The following AVEN variants were observed in gnomAD, a reference collection of about 807,000 sequenced individuals.
AVEN encodes apoptosis and caspase activation inhibitor.
A neutral mutation model predicts 38.1 loss-of-function variants in AVEN; 41 were observed. That is an observed-to-expected ratio of 1.08 (90% confidence interval 0.84 to 1.40). The LOEUF (loss-of-function observed/expected upper bound fraction) is 1.40. AVEN is among the 40% of genes most tolerant of loss of function. AVEN has a pLI of 0.00. For missense variants in AVEN, 605 were observed against 438.8 expected (o/e 1.38, Z -3.38); for synonymous variants, 206 against 171.8 (o/e 1.20, Z -1.56).
At chr15:33,987,672 C>T (rs1896536499) in intron 2 of AVEN, among the ~76,000 whole-genome samples, 1 of 152,190 alleles carries the variant, frequency 6.6e-6, no homozygotes, top group African/African-American at 2.4e-5. Context: ...CATCTGCAGG[C>T]CTCCTCTATT....
At chr15:33,856,255 C>T (rs2079646910), downstream of AVEN, 1 of 152,228 alleles carries the variant, frequency 6.6e-6, no homozygotes, top group Admixed American at 6.5e-5. Context: ...GTTTGAGTCA[C>T]TATTCTTCCC....
At chr15:33,947,657 C>T (rs1216810924) in intron 2 of AVEN, among the ~76,000 whole-genome samples, 1 of 152,164 alleles carries the variant, frequency 6.6e-6, no homozygotes, top group Non-Finnish European at 1.5e-5. Context: ...ATTAATATAA[C>T]ATAAATGCTA....
At position 33,875,143 on chromosome 15, in the gene AVEN, G is replaced by A. The variant is rs187766060; in HGVS notation, c.516+782C>T. ...CAAACGAGCCACCCACAGCACATACGCTGATGTGGGAGCAGAACAGGGAGG... is the reference window on the plus strand; with the variant it reads ...CAAACGAGCCACCCACAGCACATACACTGATGTGGGAGCAGAACAGGGAGG... On this transcript the variant is annotated intron_variant, in intron 3 of 5. Transcript: ENST00000306730. 2.3e-3 allele frequency among the ~76,000 whole-genome samples: 356 copies of A among 152,230 alleles called. 2 individuals are homozygous for A. Among genetic ancestry groups the A allele is most frequent in the African/African-American group, 8.3e-3 (343 of 41,524 alleles).
intron 2 of AVEN, among the ~76,000 whole-genome samples, chr15:33,981,591 T>C (rs144132589): frequency 6.6e-6 from 1 of 152,288 alleles, no homozygotes; most frequent in East Asian, 1.9e-4. Context: ...TAGCCAACTG[T>C]ATGCATACCA....
At chr15:33,853,668 T>G in the AVEN span, 1 of 1,613,736 alleles carries the variant, frequency 6.2e-7, no homozygotes, top group Non-Finnish European at 8.5e-7. Flanking sequence ...CAGAAGCGGC[T>G]TCTCTGGTGT....
intron 2 of AVEN, among the ~76,000 whole-genome samples, chr15:33,963,554 T>C (rs1035232874): frequency 2.6e-5 from 4 of 151,988 alleles, no homozygotes; most frequent in African/African-American, 9.7e-5. Context: ...CCTAGCACTT[T>C]GGGAGGCCAA....
chr15:33,867,505 T>A lies in AVEN; in HGVS notation c.963A>T (p.Gln321His). The part of the protein sequence containing the change: ...LKSKEDGEVV[Q>H]EEEVCAKPSV... ...AAATGAAAGCCATACCTTCTTCCTC[T>A]TGGACCACCTCCCCATCTTCCTTGG... The change falls in exon 5 of 6, where the codon CAA (glutamine) becomes CAT (histidine). Residue 321 changes from glutamine to histidine, a missense_variant. Gln to His is a conservative substitution (Grantham distance 24). Transcript: ENST00000306730. 1 of 1,576,080 alleles carries A rather than the reference T, an allele frequency of 6.3e-7. No homozygotes were observed. The highest frequency in any genetic ancestry group is 8.6e-7 in the Non-Finnish European group (1 of 1,164,866).
chr15:34,012,786 T>G (rs1897690473), intron 1 of AVEN, among the ~76,000 whole-genome samples: 1 of 152,204 alleles, frequency 6.6e-6, no homozygotes, highest in South Asian at 2.1e-4. Context: ...AGAAGGAACC[T>G]AGATAGGTCA....
chr15:33,865,017 C>A (rs192590911), downstream of AVEN: 231 of 715,628 alleles, frequency 3.2e-4, no homozygotes, highest in Non-Finnish European at 4.5e-4. Context: ...CAGGTTTGGC[C>A]TCATATAAAT....
chr15:34,030,983 A>T (rs1898760360), intron 1 of AVEN, among the ~76,000 whole-genome samples: 2 of 152,178 alleles, frequency 1.3e-5, no homozygotes, highest in African/African-American at 4.8e-5. Flanking sequence ...AATTACAGAA[A>T]TCCAAAATAG....
chr15:33,857,809 G>A (rs1453247388), downstream of AVEN: 5 of 1,614,002 alleles, frequency 3.1e-6, no homozygotes, highest in African/African-American at 1.3e-5. Flanking sequence ...TCCTGGCCGT[G>A]GTGGTTTATC....
At chr15:33,938,409 C>T (rs561752676) in intron 2 of AVEN, among the ~76,000 whole-genome samples, 15 of 151,848 alleles carry the variant, frequency 9.9e-5, no homozygotes, top group South Asian at 6.3e-4. Context: ...GAGCCGAGAT[C>T]GCGCCACTGC....
rs571682443 is a variant in AVEN at position 33,956,660 on chromosome 15, G to A, written c.445+46372C>T. Among the ~76,000 whole-genome samples, 11 of 152,222 alleles carry A rather than the reference G, an allele frequency of 7.2e-5. No individual in the cohort carries two copies. In the East Asian group the frequency reaches 1.2e-3, roughly 16 times the overall value. ...GGTGGGTTTTGCCATGCAGAAATTC[G>A]TCACTTTTAGATAATCAGATTTAAC... is the stretch of plus-strand genomic sequence containing the variant. On this transcript the variant is annotated intron_variant, in intron 2 of 5. Coordinates refer to ENST00000306730, the MANE Select transcript of AVEN (RefSeq NM_020371.3).
At chr15:33,861,026 TCCTGCCTATATTATGCCAACAAATG>T (rs1888002689) in intron 11 of AVEN, 1 of 1,310,640 alleles carries the variant, frequency 7.6e-7, no homozygotes, top group South Asian at 1.3e-5. Context: ...CAGTTTTCTC[TCCTGCCTATATTATGCCAACAAATG>T]CCTTTTCTGC....
chr15:33,964,333 CA>C (rs1221746940), intron 2 of AVEN, among the ~76,000 whole-genome samples: 2 of 151,948 alleles, frequency 1.3e-5, no homozygotes, highest in Non-Finnish European at 2.9e-5. Flanking sequence ...TTAAGGATGA[CA>C]AATTAGGAAA....
chr15:33,861,846 AAC>A (rs2153020218), downstream of AVEN, among the ~76,000 whole-genome samples: 1 of 152,014 alleles, frequency 6.6e-6, no homozygotes, highest in East Asian at 1.9e-4. Context: ...GCTGGTCTTG[AAC>A]TCCTGACCTC....
intron 1 of AVEN, among the ~76,000 whole-genome samples, chr15:34,020,329 A>G (rs1398322056): frequency 6.6e-6 from 1 of 152,208 alleles, no homozygotes. Flanking sequence ...AAGAAAAAAA[A>G]ATAGAGGTTT....
chr15:33,886,590 G>A (rs1891712113), intron 2 of AVEN, among the ~76,000 whole-genome samples: 1 of 152,148 alleles, frequency 6.6e-6, no homozygotes, highest in South Asian at 2.1e-4. Context: ...TTTATAAGGG[G>A]CTTCCCCCTT....
chr15:33,856,937 G>C (rs960893196), downstream of AVEN: 1 of 152,268 alleles, frequency 6.6e-6, no homozygotes, highest in South Asian at 2.1e-4. Context: ...GATTACAGGC[G>C]TGAGCCACCC....
Sources: gnomAD v4.1 joint callset for allele counts (sites outside exome capture counted in the v4.1 genomes callset) on GRCh38, gnomAD v4.1.1 for gene constraint, MANE v1.5 for transcripts, NCBI Gene and HGNC (gene_info 2026-07-23, HGNC 2026-07-21) for gene names.